PAPSS2: variants seen among roughly 807,000 people sequenced by gnomAD.
PAPSS2 encodes bifunctional 3'-phosphoadenosine 5'-phosphosulfate synthase 2.
PAPSS2 carries 61 observed loss-of-function variants against 66.5 expected under a neutral mutation model. The ratio of observed to expected loss-of-function variants is 0.92; its 90% CI spans 0.75 to 1.14. The LOEUF is 1.14. PAPSS2 is among the 50% of genes most tolerant of loss of function. The pLI, the probability that PAPSS2 is intolerant of heterozygous loss-of-function variation, is 0.00. For missense variants in PAPSS2, 708 were observed against 789.6 expected, an observed-to-expected ratio of 0.90 and a Z score of 1.24; for synonymous variants, 289 against 287.5, an observed-to-expected ratio of 1.01 and a Z score of -0.05.
chr10:87,672,455 A>T (rs1219538385), intron 1 of PAPSS2, among the ~76,000 whole-genome samples: 1 of 152,214 alleles, frequency 6.6e-6, no homozygotes, highest in African/African-American at 2.4e-5. Flanking sequence ...GAAGTTGTAC[A>T]TTCAAGGTTT....
At chr10:87,689,140 A>G (rs1355480919) in intron 1 of PAPSS2, among the ~76,000 whole-genome samples, 4 of 151,848 alleles carry the variant, frequency 2.6e-5, no homozygotes, top group African/African-American at 9.7e-5. Context: ...CGGGAGTTGG[A>G]GATCAGCCTG....
chr10:87,706,108 A>ATATATATATGTGTGTGTGTGTGTG, intron 1 of PAPSS2, among the ~76,000 whole-genome samples: 9 of 52,014 alleles, frequency 1.7e-4, no homozygotes, highest in African/African-American at 7.0e-4. Flanking sequence ...ATATATATAT[A>ATATATATATGTGTGTGTGTGTGTG]TGTGTGTGTG....
At chr10:87,690,436 G>A (rs191138394) in intron 1 of PAPSS2, among the ~76,000 whole-genome samples, 2 of 152,320 alleles carry the variant, frequency 1.3e-5, no homozygotes, top group East Asian at 3.9e-4. Flanking sequence ...TTAGAAGTGA[G>A]GAGGAGGGAG....
In PAPSS2 at chr10:87,660,804, GAAAAAAAAAAAAA is replaced by G. The variant is rs61018901; in HGVS notation, c.27+814_27+826del. Reference sequence around the variant, plus strand: ...TTTGTCAATTATACCCCAATAAACTGAAAAAAAAAAAAAAAAAAAAAAAAAAAAAACCGGGAGC... The same window carrying G: ...TTTGTCAATTATACCCCAATAAACTGAAAAAAAAAAAAAAAAACCGGGAGC... On this transcript the variant is annotated intron_variant, in intron 1 of 12. Transcript: ENST00000456849. Among the ~76,000 whole-genome samples the G allele has an allele frequency of 1.9e-3, 215 of 114,150 alleles. 2 individuals are homozygous for G. Among genetic ancestry groups the G allele is most frequent in the East Asian group, 3.5e-3 (9 of 2,560 alleles). 74.9% of individuals were successfully genotyped at this position (114,150 alleles called of 152,430 possible).
At chr10:87,687,835 GAAAA>G (rs1564712626) in intron 1 of PAPSS2, among the ~76,000 whole-genome samples, 1 of 151,794 alleles carries the variant, frequency 6.6e-6, no homozygotes, top group Non-Finnish European at 1.5e-5. Flanking sequence ...CTCTTAAAAA[GAAAA>G]AAGAATCAAG....
intron 1 of PAPSS2, among the ~76,000 whole-genome samples, chr10:87,670,837 G>C (rs1467255927): frequency 6.6e-6 from 1 of 152,142 alleles, no homozygotes; most frequent in Non-Finnish European, 1.5e-5. Context: ...AAAATACCCA[G>C]TTTCTTCCAT....
intron 1 of PAPSS2, among the ~76,000 whole-genome samples, chr10:87,703,401 C>T (rs146243345): frequency 1.3e-5 from 2 of 151,864 alleles, no homozygotes; most frequent in African/African-American, 2.4e-5. Flanking sequence ...GACCCAGATC[C>T]CCAGAACCCT....
intron 1 of PAPSS2, among the ~76,000 whole-genome samples, chr10:87,700,951 T>G (rs952727438): frequency 1.3e-5 from 2 of 151,822 alleles, no homozygotes; most frequent in African/African-American, 4.8e-5. Context: ...TGGTACAGTT[T>G]AATTGTATCG....
chr10:87,685,740 A>G (rs1853079891), intron 1 of PAPSS2, among the ~76,000 whole-genome samples: 1 of 152,224 alleles, frequency 6.6e-6, no homozygotes, highest in South Asian at 2.1e-4. Context: ...CCACAGAAAC[A>G]TTCAGGTAGA....
At position 87,660,084 on chromosome 10, in the gene PAPSS2, AC is replaced by A. The variant is rs556861189; in HGVS notation, c.27+77del. ...GACCCCCAACCCCCAATTCCCCGGC[AC>A]TTGGGTCCCACCCTCCCCGGGAGGG... On this transcript the variant is annotated intron_variant, in intron 1 of 12. Transcript: ENST00000456849. 9.6e-6 allele frequency: 14 copies of A among 1,460,200 alleles called. No homozygotes were observed. The South Asian group carries it at 1.5e-4, about 16-fold the overall frequency. 90.5% of individuals were successfully genotyped at this position (1,460,200 alleles called of 1,614,324 possible).
intron 8 of PAPSS2, among the ~76,000 whole-genome samples, chr10:87,724,604 A>G (rs1853635061): frequency 6.7e-6 from 1 of 148,588 alleles, no homozygotes; most frequent in Non-Finnish European, 1.5e-5. Flanking sequence ...AAATTTATAT[A>G]TATGCATGTA....
rs1853901396 is a variant in PAPSS2, at chr10:87,743,641, G to A, written c.1491G>A (p.Glu497=). The change falls in exon 11 of 13, where the codon GAG becomes GAA. Residue 497 remains glutamate (E), a splice_region_variant and synonymous_variant. Transcript: ENST00000456849. The stretch of plus-strand genomic sequence containing the variant: ...CCATGTTATATGCTGGCCCCACAGA[G>A]GTGAGCAATTCCCAGAGCTGGGCTT... ...PSPMLYAGPT[E]VQWHCRSRMI... is the part of the protein sequence containing the mutation. 2 of 1,614,038 alleles carry A rather than the reference G, an allele frequency of 1.2e-6. No homozygotes were observed. Among genetic ancestry groups the A allele is most frequent in the African/African-American group, 2.7e-5 (2 of 74,922 alleles).
chr10:87,701,248 TTTC>T (rs1164091887), intron 1 of PAPSS2, among the ~76,000 whole-genome samples: 47 of 147,676 alleles, frequency 3.2e-4, no homozygotes, highest in South Asian at 8.7e-4. Context: ...TTTTTTCTTT[TTTC>T]TTTCTTTCTT....
At chr10:87,680,258 T>C (rs1272532071) in intron 1 of PAPSS2, among the ~76,000 whole-genome samples, 1 of 152,216 alleles carries the variant, frequency 6.6e-6, no homozygotes, top group Admixed American at 6.5e-5. Flanking sequence ...CTATTTTCTT[T>C]AGCACTGGAG....
chr10:87,661,703 G>T (rs1349945458), intron 1 of PAPSS2, among the ~76,000 whole-genome samples: 2 of 152,214 alleles, frequency 1.3e-5, no homozygotes, highest in East Asian at 3.8e-4. Flanking sequence ...ACAGTCAGAA[G>T]CAGTGAGAAA....
chr10:87,660,100 C>A (rs1164240860), intron 1 of PAPSS2, 92 bp downstream of exon 1: 1 of 1,329,924 alleles, frequency 7.5e-7, no homozygotes, highest in Non-Finnish European at 1.1e-6. Flanking sequence ...GTCCCACCCT[C>A]CCCGGGAGGG....
Position 87,666,369 on chromosome 10 carries a change from C to T in PAPSS2, c.27+6361C>T, listed in dbSNP as rs557368200. 2.0e-5 allele frequency among the ~76,000 whole-genome samples: 3 copies of T among 152,234 alleles called. No homozygotes were observed. The East Asian group carries it at 5.8e-4, about 29-fold the overall frequency. On this transcript the variant is annotated intron_variant, in intron 1 of 12. Transcript: ENST00000456849. ...ACCCATCACTGCTGGAAACAGAGAC[C>T]TCTACCCTTTCTAGATTCCTGTGAA...
intron 1 of PAPSS2, among the ~76,000 whole-genome samples, chr10:87,697,051 A>G (rs369174566): frequency 5.0e-4 from 76 of 152,300 alleles, no homozygotes; most frequent in African/African-American, 1.7e-3. Context: ...CAAGGATCCT[A>G]TCCCATGTTA....
intron 1 of PAPSS2, among the ~76,000 whole-genome samples, chr10:87,680,397 C>T (rs536697489): frequency 6.6e-5 from 10 of 152,180 alleles, no homozygotes; most frequent in African/African-American, 2.4e-4. Context: ...ACCTGGATAA[C>T]AAAGTTCCCC....
Sources: gnomAD v4.1 joint callset for allele counts (sites outside exome capture counted in the v4.1 genomes callset) on GRCh38, gnomAD v4.1.1 for gene constraint, MANE v1.5 for transcripts, NCBI Gene and HGNC (gene_info 2026-07-23, HGNC 2026-07-21) for gene names.